NOVA1: variants seen among roughly 807,000 people sequenced by gnomAD.
NOVA1 encodes the protein RNA-binding protein Nova-1.
NOVA1 carries 7 observed loss-of-function variants against 38.0 expected under a neutral mutation model. The observed-to-expected ratio is 0.18, with a 90% CI of 0.10 to 0.35. The LOEUF is 0.35. Ranked by LOEUF, NOVA1 falls within the 10% of genes least tolerant of loss-of-function variation. The probability of loss-of-function intolerance (pLI) is 1.00; values close to 1 mark genes in which losing one functional copy is unlikely to be tolerated. For missense variants in NOVA1, 460 were observed against 616.0 expected, an observed-to-expected ratio of 0.75 and a Z score of 2.68; for synonymous variants, 270 against 232.5, an observed-to-expected ratio of 1.16 and a Z score of -1.47.
intron 3 of NOVA1, among the ~76,000 whole-genome samples, chr14:26,474,975 A>G (rs1884863577): frequency 6.6e-6 from 1 of 152,044 alleles, no homozygotes; most frequent in South Asian, 2.1e-4. Flanking sequence ...TGTTTTTTAA[A>G]TACTAGGAGA....
At chr14:26,585,687 C>T (rs1434498287) in intron 2 of NOVA1, among the ~76,000 whole-genome samples, 1 of 151,122 alleles carries the variant, frequency 6.6e-6, no homozygotes, top group Non-Finnish European at 1.5e-5. Context: ...TTCTTAAACT[C>T]ATATTGCTTA....
At chr14:26,489,076 C>T (rs1023733041) in intron 2 of NOVA1, among the ~76,000 whole-genome samples, 1 of 151,908 alleles carries the variant, frequency 6.6e-6, no homozygotes, top group South Asian at 2.1e-4. Context: ...AGCATGGTAA[C>T]GAATCAGAGA....
chr14:26,516,258 T>A (rs149609568), intron 2 of NOVA1, among the ~76,000 whole-genome samples: 2 of 152,200 alleles, frequency 1.3e-5, no homozygotes, highest in South Asian at 4.1e-4. Flanking sequence ...CCTTATTGAT[T>A]TGAAGGCATT....
chr14:26,540,758 T>C (rs908939292), intron 2 of NOVA1, among the ~76,000 whole-genome samples: 3 of 152,196 alleles, frequency 2.0e-5, no homozygotes, highest in Admixed American at 1.3e-4. Flanking sequence ...CCATTCAATA[T>C]TTTTAAGACT....
intron 2 of NOVA1, among the ~76,000 whole-genome samples, chr14:26,544,167 A>G (rs185723334): frequency 6.6e-6 from 1 of 152,086 alleles, no homozygotes; most frequent in Admixed American, 6.6e-5. Flanking sequence ...GAACTTACCT[A>G]AAGGACTATA....
intron 2 of NOVA1, among the ~76,000 whole-genome samples, chr14:26,591,966 AAC>A (rs1594595289): frequency 7.4e-6 from 1 of 134,696 alleles, no homozygotes; most frequent in Admixed American, 7.0e-5. Flanking sequence ...CAAATATTAA[AAC>A]AGTGTAAAAT....
chr14:26,493,240 A>C (rs1566475156), intron 2 of NOVA1, among the ~76,000 whole-genome samples: 1 of 152,202 alleles, frequency 6.6e-6, no homozygotes, highest in Non-Finnish European at 1.5e-5. Flanking sequence ...TCTGTCAGAC[A>C]CCTGTTTGAG....
chr14:26,529,016 G>A (rs1032920125), intron 2 of NOVA1, among the ~76,000 whole-genome samples: 1 of 152,122 alleles, frequency 6.6e-6, no homozygotes, highest in African/African-American at 2.4e-5. Context: ...TCTGGATGAG[G>A]AGCTTGGCTA....
At chr14:26,474,211 G>T (rs933230239) in intron 3 of NOVA1, among the ~76,000 whole-genome samples, 11 of 151,856 alleles carry the variant, frequency 7.2e-5, no homozygotes, top group Non-Finnish European at 1.2e-4. Context: ...CCCAATACAG[G>T]TTAGAATCCA....
rs543623652 is a variant in NOVA1 at position 26,484,278 on chromosome 14, C to T, written c.281-4135G>A. Among the ~76,000 whole-genome samples, 25 of 148,762 alleles carry T rather than the reference C, an allele frequency of 1.7e-4. No homozygotes were observed. In the East Asian group the frequency reaches 4.7e-3, roughly 28 times the overall value. On this transcript the variant is annotated intron_variant, in intron 2 of 4. Coordinates refer to ENST00000539517, the MANE Select transcript of NOVA1 (RefSeq NM_002515.3). ...TGAAACCCCATCTCTACTAAAAATA[C>T]AAAAAAAAATAGCCGGGCATGGTGG...
At chr14:26,554,367 A>C (rs1267162022) in intron 2 of NOVA1, among the ~76,000 whole-genome samples, 1 of 152,106 alleles carries the variant, frequency 6.6e-6, no homozygotes, top group Non-Finnish European at 1.5e-5. Flanking sequence ...AAAACAAAAC[A>C]AAACAGATCA....
intron 2 of NOVA1, among the ~76,000 whole-genome samples, chr14:26,533,113 G>A (rs76313678): frequency 0.022 from 3,385 of 152,236 alleles, 104 homozygotes; most frequent in African/African-American, 0.068. Flanking sequence ...GAGCTATCAC[G>A]TCTGAAATAA....
intron 2 of NOVA1, among the ~76,000 whole-genome samples, chr14:26,585,404 A>G (rs1322767918): frequency 1.3e-5 from 2 of 151,260 alleles, no homozygotes; most frequent in Non-Finnish European, 3.0e-5. Context: ...CAGTTTCTCA[A>G]TGTAACAATG....
intron 2 of NOVA1, among the ~76,000 whole-genome samples, chr14:26,499,158 A>G (rs899054106): frequency 6.6e-6 from 1 of 152,178 alleles, no homozygotes; most frequent in Admixed American, 6.5e-5. Context: ...TTGCTAAATG[A>G]GATTACAGCT....
intron 2 of NOVA1, among the ~76,000 whole-genome samples, chr14:26,559,895 ATATT>A (rs1437254456): frequency 6.6e-6 from 1 of 151,892 alleles, no homozygotes; most frequent in Non-Finnish European, 1.5e-5. Context: ...AGAAAGATAA[ATATT>A]TAAGGAGGTG....
At chr14:26,493,815 C>T (rs2138367662) in intron 2 of NOVA1, among the ~76,000 whole-genome samples, 1 of 152,204 alleles carries the variant, frequency 6.6e-6, no homozygotes, top group East Asian at 1.9e-4. Flanking sequence ...TGAACAAGTT[C>T]TTGGGTATCC....
At chr14:26,511,736 G>A (rs1421764053) in intron 2 of NOVA1, among the ~76,000 whole-genome samples, 1 of 151,580 alleles carries the variant, frequency 6.6e-6, no homozygotes, top group East Asian at 1.9e-4. Context: ...TGGTGACAGA[G>A]TGAGACTGTG....
intron 4 of NOVA1, chr14:26,470,268 T>A (rs1245213): frequency 0.7 from 884,167 of 1,255,588 alleles, 322,328 homozygotes; most frequent in South Asian, 0.76. Context: ...CAAAGCTAAA[T>A]TAATCAGGAC....
intron 4 of NOVA1, among the ~76,000 whole-genome samples, chr14:26,464,934 G>A (rs1170693317): frequency 1.3e-5 from 2 of 151,904 alleles, no homozygotes; most frequent in Non-Finnish European, 2.9e-5. Flanking sequence ...ATTTTGATAT[G>A]TATATGATAC....
Sources: gnomAD v4.1 joint callset for allele counts (sites outside exome capture counted in the v4.1 genomes callset) on GRCh38, gnomAD v4.1.1 for gene constraint, MANE v1.5 for transcripts, NCBI Gene and HGNC (gene_info 2026-07-23, HGNC 2026-07-21) for gene names.